The following ADSL variants were observed in gnomAD, a reference collection of about 807,000 sequenced individuals.
The protein encoded by ADSL is adenylosuccinase.
A neutral mutation model predicts 62.1 loss-of-function variants in ADSL; 44 were observed. The ratio of observed to expected loss-of-function variants is 0.71; its 90% CI spans 0.56 to 0.91. The LOEUF (loss-of-function observed/expected upper bound fraction) is 0.91. ADSL is among the 40% of genes least tolerant of loss of function. The probability of loss-of-function intolerance (pLI) is 0.00; values close to 1 mark genes in which losing one functional copy is unlikely to be tolerated. For missense variants in ADSL, 531 were observed against 627.4 expected (o/e 0.85, Z 1.64); for synonymous variants, 198 against 220.5 (o/e 0.90, Z 0.90).
At chr22:40,382,774 A>G (rs11913132) in intron 2 of ADSL, among the ~76,000 whole-genome samples, 42,197 of 152,048 alleles carry the variant, frequency 0.28, 7,077 homozygotes, top group African/African-American at 0.43. Context: ...GGAAAATAGG[A>G]TCTCCATGCC....
Position 40,368,446 on chromosome 22 carries a change from T to G in ADSL, c.*1924T>G, listed in dbSNP as rs1258495536. ...TTGAGCCCAAGAGTTTAGTCCAGGC[T>G]GGGTGACAGCGAGCCCTTGTCACTT... On this transcript the variant is annotated 3_prime_UTR_variant, in exon 13 of 13. Transcript: ENST00000623063. 1.3e-5 allele frequency: 2 copies of G among 152,040 alleles called. No homozygotes were observed. The highest frequency in any genetic ancestry group is 2.4e-5 in the African/African-American group (1 of 41,396). The allele number at this position is 152,040 out of a possible 1,614,324, so 9.4% of individuals were successfully genotyped here.
chr22:40,364,007 A>T (rs984236255), intron 10 of ADSL, among the ~76,000 whole-genome samples: 2 of 151,968 alleles, frequency 1.3e-5, no homozygotes, highest in East Asian at 1.9e-4. Context: ...AGCCCAGGAG[A>T]CGGAGCTTGC....
chr22:40,375,932 T>G (rs2046477264), intron 2 of ADSL, among the ~76,000 whole-genome samples: 1 of 151,920 alleles, frequency 6.6e-6, no homozygotes, highest in East Asian at 1.9e-4. Flanking sequence ...TCCCACCTAC[T>G]CAGGATGCTG....
intron 4 of ADSL, among the ~76,000 whole-genome samples, chr22:40,355,529 A>G (rs558481233): frequency 2.5e-4 from 38 of 152,320 alleles, no homozygotes; most frequent in African/African-American, 7.7e-4. Context: ...GCTGTTTTCA[A>G]TATCCATGTT....
chr22:40,358,133 G>A (rs1229694664), intron 4 of ADSL, among the ~76,000 whole-genome samples: 1 of 152,110 alleles, frequency 6.6e-6, no homozygotes, highest in East Asian at 1.9e-4. Context: ...AGTGCCACTG[G>A]ACAAGGACCC....
rs769086908 is a variant in ADSL at position 40,365,072 on chromosome 22, G to T, written c.1368+16G>T. 1.2e-6 allele frequency: 2 copies of T among 1,609,678 alleles called. No individual in the cohort carries two copies. Among genetic ancestry groups the T allele is most frequent in the Admixed American group, 3.3e-5 (2 of 60,008 alleles). On this transcript the variant is annotated intron_variant, in intron 12 of 12. Transcript: ENST00000623063. The stretch of plus-strand genomic sequence containing the variant: ...CTCCCAGCAGGTAAGCTTCCAAGAA[G>T]CCTCTTTTCTGCTGGGCTGCAGAAC...
At position 40,349,972 on chromosome 22, in the gene ADSL, C is replaced by T; in HGVS notation, c.294C>T (p.Cys98=). The stretch of plus-strand genomic sequence containing the variant: ...CTCACGTGCACACATTTGGCCACTG[C>T]TGTCCAAAAGCTGCAGGCATTATTC... ...VMAHVHTFGH[C]CPKAAGIIHL... The change falls in exon 2 of 13, where the codon TGC becomes TGT. Residue 98 remains cysteine, a synonymous_variant. Coordinates refer to ENST00000623063, the MANE Select transcript of ADSL (RefSeq NM_000026.4). 1.2e-6 allele frequency: 2 copies of T among 1,614,138 alleles called. No individual in the cohort carries two copies. The highest frequency in any genetic ancestry group is 1.7e-6 in the Non-Finnish European group (2 of 1,180,002).
intron 2 of ADSL, chr22:40,376,146 G>A (rs1375541786): frequency 1.4e-5 from 2 of 138,108 alleles, no homozygotes; most frequent in South Asian, 2.3e-4. Context: ...TTAATTATGT[G>A]ACTTGAGGAT....
At chr22:40,382,392 T>G (rs907149348) in intron 2 of ADSL, among the ~76,000 whole-genome samples, 1 of 152,140 alleles carries the variant, frequency 6.6e-6, no homozygotes, top group Non-Finnish European at 1.5e-5. Flanking sequence ...TAGGTGGGAC[T>G]GGAGTCATGT....
chr22:40,366,929 G>T lies in ADSL; in HGVS notation c.*407G>T. The stretch of plus-strand genomic sequence containing the variant: ...CAATGGTCAGATACCTTTTATTTCG[G>T]TTATTTTTGGCTAGTATAAGTGATG... On this transcript the variant is annotated 3_prime_UTR_variant, in exon 13 of 13. Transcript: ENST00000623063. The T allele has an allele frequency of 5.4e-6, 1 of 186,382 alleles. No homozygotes were observed. 11.5% of individuals were successfully genotyped at this position (186,382 alleles called of 1,614,324 possible).
intron 6 of ADSL, among the ~76,000 whole-genome samples, chr22:40,359,531 T>G (rs1432007845): frequency 6.6e-6 from 1 of 151,476 alleles, no homozygotes; most frequent in Non-Finnish European, 1.5e-5. Context: ...TTTTCTGGAT[T>G]TCATTTTATT....
chr22:40,349,974 G>A lies in ADSL; in HGVS notation c.296G>A (p.Cys99Tyr), dbSNP rs1472861156. The A allele has an allele frequency of 6.2e-7, 1 of 1,614,016 alleles. No homozygotes were observed. The highest frequency in any genetic ancestry group is 8.5e-7 in the Non-Finnish European group (1 of 1,180,020). ...CACGTGCACACATTTGGCCACTGCT[G>A]TCCAAAAGCTGCAGGCATTATTCAC... Reference protein sequence around the residue: ...MAHVHTFGHCCPKAAGIIHLG... With the variant: ...MAHVHTFGHCYPKAAGIIHLG... The change falls in exon 2 of 13, where the codon TGT (cysteine) becomes TAT (tyrosine). Residue 99 changes from cysteine to tyrosine, a missense_variant. Around this residue, in one of 2 missense-constraint regions of ADSL, gnomAD observed 471 missense variants for 592.9 expected, o/e 0.79. Transcript: ENST00000623063.
chr22:40,370,520 A>G (rs920482170), downstream of ADSL: 3 of 152,336 alleles, frequency 2.0e-5, no homozygotes, highest in East Asian at 5.8e-4. Flanking sequence ...AAGCCCCTGG[A>G]CGCGCCCCGC....
In ADSL at chr22:40,361,523, C is replaced by A. The variant is rs369617680; in HGVS notation, c.898C>A (p.Arg300Ser). 3.1e-6 allele frequency: 5 copies of A among 1,614,094 alleles called. No individual in the cohort carries two copies. The African/African-American group carries it at 5.3e-5, about 17-fold the overall frequency. Residue 300 changes from arginine to serine, a missense_variant, in exon 9 of 13, where the codon CGT becomes AGT. Transcript: ENST00000623063. ...SAMPYKRNPM[R>S]SERCCSLARH... ...GATGCCATATAAGCGGAATCCCATG[C>A]GTTCAGAACGTTGCTGCAGTCTTGC...
At chr22:40,364,857 A>G in intron 11 of ADSL, 23 bp from the exon 12 acceptor site, 1 of 1,613,772 alleles carries the variant, frequency 6.2e-7, no homozygotes, top group Non-Finnish European at 8.5e-7. Flanking sequence ...TAGGGAACTG[A>G]CAATACTTCA....
At chr22:40,373,669 G>T (rs1326954005), downstream of ADSL, 1 of 152,260 alleles carries the variant, frequency 6.6e-6, no homozygotes, top group East Asian at 1.9e-4. Flanking sequence ...AGGCTAGAGT[G>T]CAGTGGGGCA....
chr22:40,366,884 C>T lies in ADSL; in HGVS notation c.*362C>T. 1 of 288,838 alleles carries T rather than the reference C, an allele frequency of 3.5e-6. No individual in the cohort carries two copies. Among genetic ancestry groups the T allele is most frequent in the South Asian group, 3.5e-5 (1 of 28,696 alleles). The allele number at this position is 288,838 out of a possible 1,614,324, so 17.9% of individuals were successfully genotyped here. ...ATTTGATCTAGGTCTAGCAAAATAA[C>T]CTGGACTCAGTGATTGAGTCAATGG... On this transcript the variant is annotated 3_prime_UTR_variant, in exon 13 of 13. Coordinates refer to ENST00000623063, the MANE Select transcript of ADSL (RefSeq NM_000026.4).
intron 2 of ADSL, chr22:40,378,168 G>T (rs2046968574): frequency 6.6e-6 from 1 of 152,242 alleles, no homozygotes; most frequent in African/African-American, 2.4e-5. Flanking sequence ...GGTGGCTCAT[G>T]CCTGTAATTC....
In ADSL at chr22:40,375,643, A is replaced by G. The variant is rs536424540; in HGVS notation, c.89+9145A>G. ...TCAAAAGTCTTATCTTGGAAAGGGT[A>G]TAATTTCCAATTAAGACAGAGAATT... On this transcript the variant is annotated intron_variant, in intron 2 of 2. Transcript: ENST00000498234. Among the ~76,000 whole-genome samples the G allele has an allele frequency of 8.6e-5, 13 of 150,614 alleles. 1 individual carries two copies. The highest frequency in any genetic ancestry group is 8.2e-4 in the Admixed American group (12 of 14,690).
Sources: gnomAD v4.1 joint callset for allele counts (sites outside exome capture counted in the v4.1 genomes callset) on GRCh38, gnomAD v4.1.1 for gene constraint, gnomAD v4.1.1 regional missense constraint, MANE v1.5 for transcripts, NCBI Gene and HGNC (gene_info 2026-07-23, HGNC 2026-07-21) for gene names.